HIBCH: variants seen among roughly 807,000 people sequenced by gnomAD.
The protein encoded by HIBCH is 3-hydroxyisobutyryl-CoA hydrolase, mitochondrial.
HIBCH carries 50 observed loss-of-function variants against 58.2 expected under a neutral mutation model. The ratio of observed to expected loss-of-function variants is 0.86; its 90% CI spans 0.68 to 1.09. HIBCH has a LOEUF of 1.09. Ranked by LOEUF, HIBCH falls within the 50% of genes least tolerant of loss-of-function variation. The pLI is 0.00. For synonymous variants in HIBCH, 151 were observed against 146.9 expected (o/e 1.03, Z -0.20); for missense variants, 450 against 449.7 (o/e 1.00, Z -0.01).
In HIBCH at chr2:190,191,329, G is replaced by GAGAC. The variant is rs552390571; in HGVS notation, c.*18-1336_*18-1333dup. ...TGCTAACTTTCTTGTATTTTCAGTA[G>GAGAC]AGACAGAGTTTCACCATGTTGGCCA... On this transcript the variant is annotated intron_variant, in intron 1 of 1. Coordinates refer to the HIBCH transcript ENST00000399855. Among the ~76,000 whole-genome samples the GAGAC allele has an allele frequency of 1.3e-3, 202 of 152,200 alleles. 2 individuals are homozygous for GAGAC. The highest frequency in any genetic ancestry group is 4.8e-3 in the African/African-American group (201 of 41,528).
chr2:190,218,803 T>G (rs2105907489), intron 11 of HIBCH, among the ~76,000 whole-genome samples: 1 of 152,248 alleles, frequency 6.6e-6, no homozygotes, highest in Admixed American at 6.5e-5. Flanking sequence ...TTGCAAAAGT[T>G]TATTATTGCT....
At chr2:190,221,568 G>C (rs1294885946) in intron 11 of HIBCH, among the ~76,000 whole-genome samples, 1 of 152,206 alleles carries the variant, frequency 6.6e-6, no homozygotes, top group African/African-American at 2.4e-5. Context: ...TCCGGGAAGA[G>C]GGTGGGTCCC....
At chr2:190,208,447 T>C (rs1306542608) in intron 13 of HIBCH, among the ~76,000 whole-genome samples, 1 of 152,210 alleles carries the variant, frequency 6.6e-6, no homozygotes, top group Admixed American at 6.5e-5. Flanking sequence ...AGGATTACCT[T>C]ATATATAAAT....
At position 190,252,125 on chromosome 2, in the gene HIBCH, T is replaced by C. The variant is rs549067008; in HGVS notation, c.663+37A>G. 4 of 1,599,212 alleles carry C rather than the reference T, an allele frequency of 2.5e-6. No individual in the cohort carries two copies. In the East Asian group the frequency reaches 8.9e-5, roughly 36 times the overall value. On this transcript the variant is annotated intron_variant, in intron 8 of 13. Coordinates refer to ENST00000359678, the MANE Select transcript of HIBCH (RefSeq NM_014362.4). ...TCCCATGCACTATTTTGTGTTGTTA[T>C]TCCAACAATACAAAATGCAAACATC...
At chr2:190,314,244 T>A (rs1688632501) in intron 1 of HIBCH, among the ~76,000 whole-genome samples, 1 of 143,028 alleles carries the variant, frequency 7.0e-6, no homozygotes, top group Non-Finnish European at 1.5e-5. Context: ...TATTTATAGG[T>A]CACAAAAATC....
rs750863133 is a variant in HIBCH, at chr2:190,246,218, T to C, written c.751-6A>G. 6.4e-7 allele frequency: 1 copy of C among 1,553,016 alleles called. No homozygotes were observed. The highest frequency in any genetic ancestry group is 2.3e-5 in the East Asian group (1 of 44,330). On this transcript the variant is annotated splice_polypyrimidine_tract_variant and splice_region_variant and intron_variant, in intron 9 of 13. Coordinates refer to ENST00000359678, the MANE Select transcript of HIBCH (RefSeq NM_014362.4). ...TTGTCTCGATCAATCTTAGACTGTT[T>C]GAAAAGAAAAATCTTTTAATAAATT...
At chr2:190,280,362 C>G (rs1464207148) in intron 6 of HIBCH, among the ~76,000 whole-genome samples, 2 of 152,098 alleles carry the variant, frequency 1.3e-5, no homozygotes, top group African/African-American at 4.8e-5. Context: ...CAGACATGAG[C>G]AGGGCAGAGA....
At chr2:190,274,201 T>A (rs954356227) in intron 6 of HIBCH, among the ~76,000 whole-genome samples, 6 of 152,242 alleles carry the variant, frequency 3.9e-5, no homozygotes, top group Non-Finnish European at 8.8e-5. Context: ...TCTATTCAAC[T>A]GTCACTAATA....
At position 190,304,511 on chromosome 2, in the gene HIBCH, C is replaced by T. The variant is rs891866175; in HGVS notation, c.78+6243G>A. On this transcript the variant is annotated intron_variant, in intron 2 of 13. Coordinates refer to ENST00000359678, the MANE Select transcript of HIBCH (RefSeq NM_014362.4). The surrounding 1 kb of genome is among the most constrained non-coding windows in gnomAD (Gnocchi z 4.1). ...TAATCCTTCGTGAGGACAGAGGCCT[C>T]GTGACCCAATCACCTCCCAAAGGCC... is the stretch of plus-strand genomic sequence containing the variant. 2.0e-4 allele frequency among the ~76,000 whole-genome samples: 30 copies of T among 152,168 alleles called. No homozygotes were observed. The highest frequency in any genetic ancestry group is 3.2e-3 in the Middle Eastern group (1 of 316).
intron 5 of HIBCH, among the ~76,000 whole-genome samples, chr2:190,290,049 T>C (rs1480263482): frequency 1.3e-5 from 2 of 152,144 alleles, no homozygotes; most frequent in African/African-American, 4.8e-5. Context: ...CAGCTGATTT[T>C]TGTATTTTTA....
intron 5 of HIBCH, among the ~76,000 whole-genome samples, chr2:190,288,908 T>A (rs1168974397): frequency 6.6e-6 from 1 of 152,120 alleles, no homozygotes; most frequent in Non-Finnish European, 1.5e-5. Flanking sequence ...GGTCAGGAGT[T>A]CGAGAGCAGC....
intron 1 of HIBCH, among the ~76,000 whole-genome samples, chr2:190,198,694 A>ATGTT (rs1690096151): frequency 6.8e-6 from 1 of 146,338 alleles, no homozygotes; most frequent in Admixed American, 6.9e-5. Flanking sequence ...TTTTAGAGCT[A>ATGTT]TGTTTTTAGT....
intron 4 of HIBCH, among the ~76,000 whole-genome samples, chr2:190,291,398 G>A (rs766018891): frequency 4.6e-5 from 7 of 152,134 alleles, no homozygotes; most frequent in Non-Finnish European, 1.0e-4. Flanking sequence ...CTTCCTAGAA[G>A]AGGTAACCCT....
rs758479416 is a variant in HIBCH at position 190,252,272 on chromosome 2, G to A, written c.553C>T (p.Pro185Ser). ...FPDVGGGYFL[P>S]RLQGKLGYFL... is the part of the protein sequence containing the mutation. ...TAACCAAGTTTTCCTTGGAGTCGTG[G>A]CAAGAAATAACCTCCACCCACATCA... The change falls in exon 8 of 14, where the codon CCA becomes TCA. Residue 185 changes from proline (P) to serine (S), a missense_variant. Pro to Ser is a moderately conservative substitution (Grantham distance 74). Transcript: ENST00000359678. 2 of 1,613,294 alleles carry A rather than the reference G, an allele frequency of 1.2e-6. No individual in the cohort carries two copies. Among genetic ancestry groups the A allele is most frequent in the Admixed American group, 1.7e-5 (1 of 60,008 alleles).
chr2:190,296,741 A>G, intron 3 of HIBCH, 72 bp downstream of exon 3: 1 of 1,362,390 alleles, frequency 7.3e-7, no homozygotes, highest in Non-Finnish European at 1.0e-6. Flanking sequence ...CTATGGGAGA[A>G]AATACCAGAA....
intron 8 of HIBCH, chr2:190,250,216 A>C (rs1339980447): frequency 8.4e-6 from 3 of 355,124 alleles, no homozygotes; most frequent in Non-Finnish European, 1.7e-5. Context: ...GATTTCATTA[A>C]ATGTTTCCTT....
At chr2:190,213,238 T>C in intron 11 of HIBCH, 163 bp from the exon 12 acceptor site, 1 of 606,510 alleles carries the variant, frequency 1.6e-6, no homozygotes, top group South Asian at 2.0e-5. Context: ...ACTTTTCTAA[T>C]CTGCTACAAA....
intron 10 of HIBCH, 99 bp downstream of exon 10, chr2:190,246,055 C>A: frequency 1.4e-6 from 1 of 698,444 alleles, no homozygotes; most frequent in Non-Finnish European, 2.5e-6. Flanking sequence ...AGTGCACTAT[C>A]AAACACAATG....
chr2:190,220,901 G>A (rs1685700946), intron 11 of HIBCH, among the ~76,000 whole-genome samples: 1 of 152,254 alleles, frequency 6.6e-6, no homozygotes, highest in Middle Eastern at 3.4e-3. Flanking sequence ...CCAGGTGCAA[G>A]CACACAATTG....
Sources: gnomAD v4.1 joint callset for allele counts (sites outside exome capture counted in the v4.1 genomes callset) on GRCh38, gnomAD v4.1.1 for gene constraint, Gnocchi (gnomAD v3.1) non-coding constraint, MANE v1.5 for transcripts, NCBI Gene and HGNC (gene_info 2026-07-23, HGNC 2026-07-21) for gene names.